The following SSH2 variants were observed in gnomAD, a reference collection of about 807,000 sequenced individuals.
SSH2 encodes slingshot protein phosphatase 2.
In SSH2, 37 loss-of-function variants were observed where a neutral mutation model predicts 135.2. The ratio of observed to expected loss-of-function variants is 0.27; its 90% CI spans 0.21 to 0.36. The LOEUF (loss-of-function observed/expected upper bound fraction) is 0.36. SSH2 is among the 10% of genes least tolerant of loss of function. SSH2 has a pLI of 1.00. For missense variants in SSH2, 1,408 were observed against 1,765.3 expected, an observed-to-expected ratio of 0.80 and a Z score of 3.63; for synonymous variants, 628 against 646.2, an observed-to-expected ratio of 0.97 and a Z score of 0.43.
intron 1 of SSH2, among the ~76,000 whole-genome samples, chr17:29,857,831 C>T (rs2065691079): frequency 6.6e-6 from 1 of 152,164 alleles, no homozygotes; most frequent in Admixed American, 6.5e-5. Context: ...GTTGTATAGT[C>T]AATCTCTAAA....
At chr17:29,828,223 C>T (rs2042779410) in intron 2 of SSH2, among the ~76,000 whole-genome samples, 1 of 152,210 alleles carries the variant, frequency 6.6e-6, no homozygotes, top group South Asian at 2.1e-4. Flanking sequence ...TCATTGACTA[C>T]ACAAGAAACT....
chr17:29,768,988 G>A (rs1788306731), intron 3 of SSH2, among the ~76,000 whole-genome samples: 1 of 152,122 alleles, frequency 6.6e-6, no homozygotes, highest in South Asian at 2.1e-4. Context: ...GCAGAGGCAG[G>A]AGGATCCCTT....
At chr17:29,778,597 G>A (rs1229843814) in intron 3 of SSH2, among the ~76,000 whole-genome samples, 1 of 151,786 alleles carries the variant, frequency 6.6e-6, no homozygotes, top group African/African-American at 2.4e-5. Context: ...CCGAGATCAC[G>A]CCACTGCACT....
chr17:29,768,779 G>C (rs73263639), intron 3 of SSH2, among the ~76,000 whole-genome samples: 2,215 of 152,224 alleles, frequency 0.015, 57 homozygotes, highest in African/African-American at 0.049. Flanking sequence ...CAGTGTCCTA[G>C]AATGTAGTAA....
intron 1 of SSH2, among the ~76,000 whole-genome samples, chr17:29,929,652 T>TTC (rs2067144560): frequency 6.6e-6 from 1 of 151,894 alleles, no homozygotes; most frequent in Non-Finnish European, 1.5e-5. Context: ...CAAGAATGAC[T>TTC]CATTACCAAA....
chr17:29,845,664 A>AT (rs1464006614), intron 2 of SSH2, among the ~76,000 whole-genome samples: 3 of 152,102 alleles, frequency 2.0e-5, no homozygotes, highest in African/African-American at 7.2e-5. Context: ...GCAATGGCAT[A>AT]TCCTTCCGCC....
At chr17:29,743,206 T>C (rs2040631852) in intron 3 of SSH2, among the ~76,000 whole-genome samples, 1 of 152,182 alleles carries the variant, frequency 6.6e-6, no homozygotes, top group African/African-American at 2.4e-5. Context: ...GTGACCACCA[T>C]GCATAGCACA....
In SSH2 at chr17:29,630,702, C is replaced by T. The variant is rs781556622; in HGVS notation, c.*139G>A. Reference sequence around the variant, plus strand: ...ACACACACATACACACTGAAAAACACCCAAACCCTGCATGCACCAGAAACA... The same window carrying T: ...ACACACACATACACACTGAAAAACATCCAAACCCTGCATGCACCAGAAACA... On this transcript the variant is annotated 3_prime_UTR_variant, in exon 16 of 16. Coordinates refer to ENST00000540801, the MANE Select transcript of SSH2 (RefSeq NM_001282129.2). 1 of 873,146 alleles carries T rather than the reference C, an allele frequency of 1.1e-6. No homozygotes were observed. Among genetic ancestry groups the T allele is most frequent in the Middle Eastern group, 3.6e-4 (1 of 2,754 alleles). 54.1% of individuals were successfully genotyped at this position (873,146 alleles called of 1,614,324 possible).
At chr17:29,833,704 CCT>C (rs1311076883) in intron 2 of SSH2, among the ~76,000 whole-genome samples, 37 of 123,118 alleles carry the variant, frequency 3.0e-4, no homozygotes, top group East Asian at 4.9e-4. Context: ...TCCTTCCCTC[CCT>C]CTCTTTCCCT....
intron 3 of SSH2, among the ~76,000 whole-genome samples, chr17:29,753,950 G>C (rs1362226720): frequency 6.6e-6 from 1 of 152,140 alleles, no homozygotes; most frequent in East Asian, 1.9e-4. Flanking sequence ...AAAGATGTGT[G>C]TATCAGGATT....
chr17:29,677,918 G>A (rs2037797637), intron 6 of SSH2, among the ~76,000 whole-genome samples, 177 bp from the exon 7 acceptor site: 1 of 151,862 alleles, frequency 6.6e-6, no homozygotes, highest in Non-Finnish European at 1.5e-5. Context: ...CTCAGGAGCT[G>A]TTTTAAAGAG....
chr17:29,904,744 A>G (rs938362151), intron 1 of SSH2, among the ~76,000 whole-genome samples: 3 of 152,232 alleles, frequency 2.0e-5, no homozygotes, highest in Non-Finnish European at 4.4e-5. Context: ...TCATATGTCT[A>G]GAAAACCCCA....
intron 3 of SSH2, among the ~76,000 whole-genome samples, chr17:29,757,622 A>C (rs983673481): frequency 6.6e-6 from 1 of 151,572 alleles, no homozygotes; most frequent in African/African-American, 2.4e-5. Context: ...TGGGCACGGT[A>C]GCGCACTCCT....
intron 2 of SSH2, among the ~76,000 whole-genome samples, chr17:29,842,924 C>T (rs2043068330): frequency 6.6e-6 from 1 of 152,158 alleles, no homozygotes; most frequent in African/African-American, 2.4e-5. Flanking sequence ...GGCCAACTGG[C>T]CATTTGAAAC....
At chr17:29,661,655 T>C (rs2037047726) in intron 11 of SSH2, among the ~76,000 whole-genome samples, 2 of 152,204 alleles carry the variant, frequency 1.3e-5, no homozygotes, top group African/African-American at 2.4e-5. Context: ...CAATAGGGGC[T>C]GAGAAGTTAA....
intron 1 of SSH2, among the ~76,000 whole-genome samples, chr17:29,906,707 C>T (rs1428166271): frequency 1.3e-5 from 2 of 152,020 alleles, no homozygotes; most frequent in African/African-American, 4.8e-5. Flanking sequence ...GGGCAAAGGA[C>T]ATAAACAGAC....
At chr17:29,808,507 G>A (rs2042387209) in intron 2 of SSH2, among the ~76,000 whole-genome samples, 1 of 152,186 alleles carries the variant, frequency 6.6e-6, no homozygotes, top group African/African-American at 2.4e-5. Flanking sequence ...AGCCACATGT[G>A]CTTATATGTG....
At chr17:29,710,131 A>G (rs558837364) in intron 3 of SSH2, among the ~76,000 whole-genome samples, 71 of 152,228 alleles carry the variant, frequency 4.7e-4, no homozygotes, top group Non-Finnish European at 7.8e-4. Flanking sequence ...AGGTCAAGGA[A>G]GCAAAACAAA....
intron 11 of SSH2, among the ~76,000 whole-genome samples, chr17:29,664,768 G>C (rs1320559553): frequency 6.6e-6 from 1 of 152,178 alleles, no homozygotes; most frequent in South Asian, 2.1e-4. Flanking sequence ...ATTTGTAGTT[G>C]ATTAGAGAAA....
Sources: allele counts gnomAD v4.1 joint callset (sites outside exome capture counted in the v4.1 genomes callset), GRCh38; gene constraint gnomAD v4.1.1; transcripts MANE v1.5; gene names NCBI Gene and HGNC (gene_info 2026-07-23, HGNC 2026-07-21).